SV2C: variants seen among roughly 807,000 people sequenced by gnomAD.
SV2C encodes the protein solute carrier family 22 member B3.
SV2C carries 49 observed loss-of-function variants against 79.7 expected under a neutral mutation model. That is an observed-to-expected ratio of 0.61 (90% CI 0.49 to 0.78). SV2C has a LOEUF of 0.78. Ranked by LOEUF, SV2C falls within the 30% of genes least tolerant of loss-of-function variation. The probability of loss-of-function intolerance (pLI) is 0.00; values close to 1 mark genes in which losing one functional copy is unlikely to be tolerated. For missense variants in SV2C, 833 were observed against 912.9 expected, an observed-to-expected ratio of 0.91 and a Z score of 1.13; for synonymous variants, 334 against 333.2, an observed-to-expected ratio of 1.00 and a Z score of -0.03.
the SV2C span, chr5:75,921,366 G>A: frequency 1.1e-6 from 1 of 916,634 alleles, no homozygotes; most frequent in South Asian, 1.3e-5. Flanking sequence ...TCCTTTGGGG[G>A]GTGCTGGTAG....
chr5:76,183,492 A>G (rs2112305221), intron 2 of SV2C, among the ~76,000 whole-genome samples: 1 of 152,204 alleles, frequency 6.6e-6, no homozygotes, highest in East Asian at 1.9e-4. Context: ...ACAAATATCC[A>G]AAGTATATCA....
the SV2C span, among the ~76,000 whole-genome samples, chr5:76,038,108 C>A: frequency 5.3e-5 from 8 of 152,246 alleles, no homozygotes; most frequent in Non-Finnish European, 1.5e-5. Context: ...GGCTCACGCA[C>A]GGTGCGTGCA....
At chr5:76,176,848 G>T (rs962327759) in intron 2 of SV2C, among the ~76,000 whole-genome samples, 10 of 152,140 alleles carry the variant, frequency 6.6e-5, no homozygotes, top group Admixed American at 2.6e-4. Flanking sequence ...CGGCAAGGTG[G>T]CTCACGCCTG....
At chr5:75,900,160 C>A in the SV2C span, among the ~76,000 whole-genome samples, 1 of 152,136 alleles carries the variant, frequency 6.6e-6, no homozygotes, top group South Asian at 2.1e-4. Context: ...TTCCTAGCCT[C>A]GATGGTCTTT....
the SV2C span, among the ~76,000 whole-genome samples, chr5:75,852,825 CAAAA>C: frequency 1.2e-5 from 1 of 81,190 alleles, no homozygotes; most frequent in Non-Finnish European, 2.6e-5. Context: ...GACTCCGTCT[CAAAA>C]AAAAAAAAAA....
the SV2C span, among the ~76,000 whole-genome samples, chr5:75,931,833 T>A: frequency 6.6e-6 from 1 of 152,188 alleles, no homozygotes; most frequent in Non-Finnish European, 1.5e-5. Flanking sequence ...AAATAAGCCC[T>A]CACTAATTCC....
At chr5:75,888,307 C>T in the SV2C span, among the ~76,000 whole-genome samples, 2 of 151,086 alleles carry the variant, frequency 1.3e-5, no homozygotes, top group African/African-American at 2.4e-5. Flanking sequence ...TATCTGAAGC[C>T]GAGCTTAAAG....
the SV2C span, among the ~76,000 whole-genome samples, chr5:75,987,300 T>C: frequency 6.6e-6 from 1 of 152,072 alleles, no homozygotes; most frequent in African/African-American, 2.4e-5. Context: ...TGTCACATAG[T>C]ATTGGCTTGT....
At chr5:75,896,577 C>T in the SV2C span, among the ~76,000 whole-genome samples, 1 of 151,894 alleles carries the variant, frequency 6.6e-6, no homozygotes, top group Non-Finnish European at 1.5e-5. Context: ...GGGTATATAC[C>T]CAGTAATGGG....
chr5:75,954,965 T>G, the SV2C span, among the ~76,000 whole-genome samples: 1 of 148,828 alleles, frequency 6.7e-6, no homozygotes, highest in Non-Finnish European at 1.5e-5. Context: ...AATGGCCATA[T>G]TGCCCAAGGT....
chr5:75,888,901 T>A, the SV2C span, among the ~76,000 whole-genome samples: 1 of 152,006 alleles, frequency 6.6e-6, no homozygotes. Context: ...CAACAGAAAT[T>A]TCTTTCCTCA....
chr5:75,851,743 C>G, the SV2C span, among the ~76,000 whole-genome samples: 1 of 152,138 alleles, frequency 6.6e-6, no homozygotes. Context: ...CGGGTTCACG[C>G]CATTCTGCTG....
At chr5:76,352,940 CTT>C (rs556688242) in intron 12 of SV2C, among the ~76,000 whole-genome samples, 33 of 136,518 alleles carry the variant, frequency 2.4e-4, no homozygotes, top group African/African-American at 7.3e-4. Context: ...ATTTTTACCT[CTT>C]TTTTTTTTTT....
chr5:75,966,380 A>C, the SV2C span, among the ~76,000 whole-genome samples: 1 of 152,194 alleles, frequency 6.6e-6, no homozygotes, highest in Admixed American at 6.5e-5. Flanking sequence ...ATAAATTTTT[A>C]TGCTACCCTA....
chr5:75,949,713 T>C, the SV2C span, among the ~76,000 whole-genome samples: 2 of 152,022 alleles, frequency 1.3e-5, no homozygotes, highest in Admixed American at 6.6e-5. Context: ...TCCACCATGA[T>C]TGTGAGGCCT....
the SV2C span, among the ~76,000 whole-genome samples, chr5:75,967,883 T>A: frequency 1.3e-5 from 2 of 152,240 alleles, no homozygotes; most frequent in South Asian, 2.1e-4. Context: ...CTCAAGTGGG[T>A]CCCTGACCCC....
chr5:76,273,457 G>T (rs1746934859), intron 4 of SV2C, among the ~76,000 whole-genome samples: 1 of 151,672 alleles, frequency 6.6e-6, no homozygotes, highest in South Asian at 2.1e-4. Context: ...CATATTTGGG[G>T]CACTCACAGA....
chr5:76,039,440 G>A, the SV2C span, among the ~76,000 whole-genome samples: 1 of 152,102 alleles, frequency 6.6e-6, no homozygotes, highest in Non-Finnish European at 1.5e-5. Flanking sequence ...ATCTTAACTA[G>A]CCCAACACCC....
At chr5:76,212,671 C>T (rs554074126) in intron 4 of SV2C, among the ~76,000 whole-genome samples, 3 of 152,248 alleles carry the variant, frequency 2.0e-5, no homozygotes, top group South Asian at 2.1e-4. Flanking sequence ...TTCTTAAACA[C>T]GTAACTCACA....
Sources: gnomAD v4.1 joint callset for allele counts (sites outside exome capture counted in the v4.1 genomes callset) on GRCh38, gnomAD v4.1.1 for gene constraint, MANE v1.5 for transcripts, NCBI Gene and HGNC (gene_info 2026-07-23, HGNC 2026-07-21) for gene names.